The following PRKG1 variants were observed in gnomAD, a reference collection of about 807,000 sequenced individuals.
PRKG1 encodes protein kinase cGMP-dependent 1.
A neutral mutation model predicts 88.1 loss-of-function variants in PRKG1; 35 were observed. The observed-to-expected ratio is 0.40, with a 90% CI of 0.30 to 0.53. The LOEUF (loss-of-function observed/expected upper bound fraction) is 0.53. Among genes scored for constraint, PRKG1 ranks in the 20% least tolerant of loss-of-function variants. PRKG1 has a pLI of 0.59. For synonymous variants in PRKG1, 303 were observed against 292.5 expected, an observed-to-expected ratio of 1.04 and a Z score of -0.37; for missense variants, 540 against 839.8, an observed-to-expected ratio of 0.64 and a Z score of 4.41.
intron 4 of PRKG1, among the ~76,000 whole-genome samples, chr10:51,889,082 T>C (rs547431564): frequency 1.1e-4 from 16 of 151,924 alleles, no homozygotes; most frequent in Admixed American, 9.8e-4. Context: ...TTTAATACTT[T>C]AAGTTCTAGG....
chr10:51,386,571 A>G lies in PRKG1; in HGVS notation c.479-81152A>G, dbSNP rs142816500. On this transcript the variant is annotated intron_variant, in intron 2 of 17. Transcript: ENST00000373980. Reference sequence around the variant, plus strand: ...AGTCAAGCAGGAGGAATTTCCTCTTACTCGGCCTTTTTGTGCCGTTCAGGT... The same window carrying G: ...AGTCAAGCAGGAGGAATTTCCTCTTGCTCGGCCTTTTTGTGCCGTTCAGGT... 6.9e-3 allele frequency among the ~76,000 whole-genome samples: 1,049 copies of G among 152,256 alleles called. 10 individuals carry two copies. Among genetic ancestry groups the G allele is most frequent in the Non-Finnish European group, 0.011 (746 of 68,014 alleles).
Position 51,628,816 on chromosome 10 carries a change from G to A in PRKG1, c.592+160980G>A, listed in dbSNP as rs527532930. Among the ~76,000 whole-genome samples, 632 of 151,730 alleles carry A rather than the reference G, an allele frequency of 4.2e-3. 5 individuals are homozygous for A. The highest frequency in any genetic ancestry group is 0.014 in the Middle Eastern group (4 of 294). On this transcript the variant is annotated intron_variant, in intron 3 of 17. Transcript: ENST00000373980. Reference sequence around the variant, plus strand: ...CTACTAAAAATACAAAAAATTAGCCGGGCGCGGTGGCGGGCGCCTGTGGTC... The same window carrying A: ...CTACTAAAAATACAAAAAATTAGCCAGGCGCGGTGGCGGGCGCCTGTGGTC...
In PRKG1 at chr10:52,105,600, T is replaced by A. The variant is rs561802421; in HGVS notation, c.936-28240T>A. 6.6e-5 allele frequency among the ~76,000 whole-genome samples: 10 copies of A among 151,448 alleles called. No individual in the cohort carries two copies. The East Asian group carries it at 1.9e-3, about 29-fold the overall frequency. On this transcript the variant is annotated intron_variant, in intron 7 of 17. Transcript: ENST00000373980. Reference sequence around the variant, plus strand: ...AGTGAACTTGCACTTTTATTTATTTTTTTTCAAAGTTAATACCTTTTTAGT... The same window carrying A: ...AGTGAACTTGCACTTTTATTTATTTATTTTCAAAGTTAATACCTTTTTAGT...
intron 3 of PRKG1, among the ~76,000 whole-genome samples, chr10:51,747,310 C>T (rs1189906413): frequency 6.6e-6 from 1 of 152,136 alleles, no homozygotes; most frequent in Non-Finnish European, 1.5e-5. Flanking sequence ...GTGCTTGTCA[C>T]TGTTTCTGAA....
At chr10:52,052,426 A>C (rs1015658502) in intron 5 of PRKG1, among the ~76,000 whole-genome samples, 1 of 151,252 alleles carries the variant, frequency 6.6e-6, no homozygotes, top group Non-Finnish European at 1.5e-5. Flanking sequence ...AAAAAATAAA[A>C]TAATAATAAT....
intron 3 of PRKG1, among the ~76,000 whole-genome samples, chr10:51,743,700 A>T (rs1837497835): frequency 1.6e-5 from 2 of 122,850 alleles, no homozygotes; most frequent in Admixed American, 1.7e-4. Flanking sequence ...TTATATATAT[A>T]ATATAAACTA....
intron 5 of PRKG1, among the ~76,000 whole-genome samples, chr10:51,947,299 T>G (rs1245474396): frequency 6.6e-6 from 1 of 152,082 alleles, no homozygotes; most frequent in African/African-American, 2.4e-5. Flanking sequence ...GGTGCGCCGT[T>G]TTTTAAGCTC....
intron 2 of PRKG1, among the ~76,000 whole-genome samples, chr10:51,236,796 G>T (rs917780589): frequency 6.6e-6 from 1 of 152,070 alleles, no homozygotes; most frequent in Non-Finnish European, 1.5e-5. Flanking sequence ...GAGCCACCAC[G>T]CTCAGCCATG....
At chr10:51,399,645 A>G (rs1837679638) in intron 2 of PRKG1, among the ~76,000 whole-genome samples, 1 of 152,200 alleles carries the variant, frequency 6.6e-6, no homozygotes, top group Non-Finnish European at 1.5e-5. Flanking sequence ...TGTTTTTCTT[A>G]GTAGGTAGGC....
chr10:51,032,759 A>G (rs1220486687), intron 1 of PRKG1, among the ~76,000 whole-genome samples: 1 of 152,160 alleles, frequency 6.6e-6, no homozygotes. Context: ...TGTCTCAAAC[A>G]AACAAACAAA....
chr10:51,291,546 C>A (rs1306461483), intron 2 of PRKG1, among the ~76,000 whole-genome samples: 1 of 152,064 alleles, frequency 6.6e-6, no homozygotes, highest in Non-Finnish European at 1.5e-5. Flanking sequence ...TATCATGTGC[C>A]CATAACTAAA....
At chr10:51,818,368 T>G (rs2132722123) in intron 4 of PRKG1, among the ~76,000 whole-genome samples, 1 of 152,298 alleles carries the variant, frequency 6.6e-6, no homozygotes, top group South Asian at 2.1e-4. Flanking sequence ...CAGTTTCTAC[T>G]TAACTTCGAA....
intron 3 of PRKG1, among the ~76,000 whole-genome samples, chr10:51,516,425 A>G (rs910471959): frequency 3.3e-5 from 5 of 152,086 alleles, no homozygotes; most frequent in African/African-American, 9.7e-5. Context: ...AAAACATTCA[A>G]TTGGAAAAAA....
intron 5 of PRKG1, among the ~76,000 whole-genome samples, chr10:51,921,364 C>T (rs933361683): frequency 2.6e-5 from 4 of 152,040 alleles, no homozygotes; most frequent in Non-Finnish European, 4.4e-5. Flanking sequence ...TGATTGAGGA[C>T]AATTTTATTT....
chr10:51,562,706 T>C (rs1390757839), intron 3 of PRKG1, among the ~76,000 whole-genome samples: 2 of 152,134 alleles, frequency 1.3e-5, no homozygotes, highest in African/African-American at 4.8e-5. Flanking sequence ...TTTTGCCTAT[T>C]TTGAAAATGT....
At position 51,233,332 on chromosome 10, in the gene PRKG1, A is replaced by G. The variant is rs1036182621; in HGVS notation, c.478+80002A>G. Among the ~76,000 whole-genome samples, 5 of 152,324 alleles carry G rather than the reference A, an allele frequency of 3.3e-5. No homozygotes were observed. In the South Asian group the frequency reaches 1.0e-3, roughly 32 times the overall value. On this transcript the variant is annotated intron_variant, in intron 2 of 17. Coordinates refer to ENST00000373980, the MANE Select transcript of PRKG1 (RefSeq NM_006258.4). ...TCATGAGAACACCCCATTTTACAAT[A>G]TAATCCTGTGTGCATAACTATGACT...
At chr10:52,100,117 G>C (rs1171596050) in intron 7 of PRKG1, among the ~76,000 whole-genome samples, 1 of 152,160 alleles carries the variant, frequency 6.6e-6, no homozygotes, top group Admixed American at 6.5e-5. Flanking sequence ...AATTCAGTGA[G>C]GGGTAGGGAT....
intron 8 of PRKG1, among the ~76,000 whole-genome samples, chr10:52,149,243 T>C (rs1330934562): frequency 6.6e-6 from 1 of 151,916 alleles, no homozygotes; most frequent in Non-Finnish European, 1.5e-5. Context: ...AGATTTTCAT[T>C]TGTAGCTTTT....
chr10:51,796,552 G>T (rs964341084), intron 3 of PRKG1, among the ~76,000 whole-genome samples: 4 of 152,022 alleles, frequency 2.6e-5, no homozygotes, highest in Admixed American at 2.0e-4. Context: ...CATATCAAGG[G>T]CTAAGCTTGA....
Sources: gnomAD v4.1 joint callset for allele counts (sites outside exome capture counted in the v4.1 genomes callset) on GRCh38, gnomAD v4.1.1 for gene constraint, MANE v1.5 for transcripts, NCBI Gene and HGNC (gene_info 2026-07-23, HGNC 2026-07-21) for gene names.